The following NLGN4X variants were observed in gnomAD, a reference collection of about 807,000 sequenced individuals.
NLGN4X encodes the protein neuroligin 4 X-linked.
A neutral mutation model predicts 40.3 loss-of-function variants in NLGN4X; 3 were observed. The ratio of observed to expected loss-of-function variants is 0.07; its 90% CI spans 0.03 to 0.19. The LOEUF (loss-of-function observed/expected upper bound fraction) is 0.19, where lower values mean the gene tolerates loss of function less well. Among genes scored for constraint, NLGN4X ranks in the 10% least tolerant of loss-of-function variants. The pLI, the probability that NLGN4X is intolerant of heterozygous loss-of-function variation, is 1.00. For missense variants in NLGN4X, 382 were observed against 708.3 expected (o/e 0.54, Z 5.23); for synonymous variants, 270 against 306.8 (o/e 0.88, Z 1.25).
At chrX:5,906,390 C>A (rs1244303011) in intron 4 of NLGN4X, among the ~76,000 whole-genome samples, 1 of 112,174 alleles carries the variant, frequency 8.9e-6, no homozygotes, top group African/African-American at 3.2e-5. Context: ...TTTCAGGAAA[C>A]CCTCATCTGT....
chrX:6,133,856 T>C (rs746326920), intron 2 of NLGN4X, among the ~76,000 whole-genome samples: 2 of 111,995 alleles, frequency 1.8e-5, no homozygotes, highest in African/African-American at 6.5e-5. Flanking sequence ...GAAAACTTTT[T>C]AAAATAAAGG....
intron 3 of NLGN4X, among the ~76,000 whole-genome samples, chrX:6,014,814 A>G (rs1238602938): frequency 8.9e-6 from 1 of 111,751 alleles, no homozygotes; most frequent in Non-Finnish European, 1.9e-5. Context: ...AGTCCTTTAA[A>G]GGCATATAAA....
At chrX:6,080,867 C>T (rs1047765542) in intron 2 of NLGN4X, among the ~76,000 whole-genome samples, 1 of 111,048 alleles carries the variant, frequency 9.0e-6, no homozygotes, top group African/African-American at 3.3e-5. Context: ...ATAGAGACAG[C>T]GTCTCACTAT....
In NLGN4X at chrX:6,071,120, TA is replaced by T. The variant is rs902414285; in HGVS notation, c.473-41689del. On this transcript the variant is annotated intron_variant, in intron 2 of 5. Transcript: ENST00000381095. ...CTGCAGCCTGGGCAAGACAGTGACT[TA>T]AAAAAAAATGTACTTTTCATAAACT... is the stretch of plus-strand genomic sequence containing the variant. 9.1e-5 allele frequency among the ~76,000 whole-genome samples: 10 copies of T among 110,146 alleles called. No homozygotes were observed. In the South Asian group the frequency reaches 1.2e-3, roughly 13 times the overall value.
intron 2 of NLGN4X, among the ~76,000 whole-genome samples, chrX:6,128,206 G>A (rs909111681): frequency 7.2e-5 from 8 of 111,363 alleles, no homozygotes; most frequent in Admixed American, 2.9e-4. Flanking sequence ...GGGGCCCTAC[G>A]AAGGCTGGGA....
intron 1 of NLGN4X, among the ~76,000 whole-genome samples, chrX:6,200,687 CT>C (rs767226691): frequency 2.4e-3 from 134 of 55,558 alleles, no homozygotes; most frequent in East Asian, 0.016. Context: ...CTTTCCTTTT[CT>C]TTTTTTTTTT....
intron 3 of NLGN4X, among the ~76,000 whole-genome samples, chrX:5,921,148 C>CATATATATATATATAT (rs60922455): frequency 4.4e-5 from 4 of 91,044 alleles, no homozygotes; most frequent in African/African-American, 1.6e-4. Flanking sequence ...TATATATATA[C>CATATATATATATATAT]ATATATATAT....
chrX:5,989,093 TAAAAA>T (rs773830747), intron 3 of NLGN4X, among the ~76,000 whole-genome samples: 2,454 of 76,605 alleles, frequency 0.032, 34 homozygotes, highest in Non-Finnish European at 0.047. Flanking sequence ...ATAAAAAAAA[TAAAAA>T]AAAAAATAAA....
At chrX:6,030,392 A>ATGTGTGTGTGTGTGTG (rs56353701) in intron 2 of NLGN4X, among the ~76,000 whole-genome samples, 3 of 68,290 alleles carry the variant, frequency 4.4e-5, no homozygotes, top group African/African-American at 3.0e-4. Flanking sequence ...CTGGATACAG[A>ATGTGTGTGTGTGTGTG]TATGTGTGTG....
At chrX:6,041,887 C>T (rs1046207680) in intron 2 of NLGN4X, among the ~76,000 whole-genome samples, 5 of 112,422 alleles carry the variant, frequency 4.4e-5, no homozygotes, top group South Asian at 3.7e-4. Flanking sequence ...ACAGCCTTTA[C>T]GTAACAAGTG....
At position 6,032,111 on chromosome X, in the gene NLGN4X, G is replaced by A. The variant is rs563422621; in HGVS notation, c.473-2679C>T. Among the ~76,000 whole-genome samples the A allele has an allele frequency of 1.4e-4, 13 of 94,790 alleles. No individual in the cohort carries two copies. In the South Asian group the frequency reaches 5.6e-3, roughly 41 times the overall value. 82.3% of individuals were successfully genotyped at this position (94,790 alleles called of 115,157 possible). ...GGCAGTCCTGAATGCATCAGGGCTC[G>A]TTAACAACAGCATCTCATTAAAACA... On this transcript the variant is annotated intron_variant, in intron 2 of 5. Transcript: ENST00000381095.
intron 1 of NLGN4X, among the ~76,000 whole-genome samples, chrX:6,224,711 A>G (rs968415408): frequency 4.5e-5 from 5 of 109,936 alleles, no homozygotes; most frequent in Middle Eastern, 4.7e-3. Flanking sequence ...TTGAGGGCCA[A>G]CTGTATACTC....
At chrX:6,061,282 T>C (rs747815903) in intron 2 of NLGN4X, among the ~76,000 whole-genome samples, 1 of 111,206 alleles carries the variant, frequency 9.0e-6, no homozygotes, top group South Asian at 3.9e-4. Context: ...GCTGTGGATG[T>C]CGCTGCCATT....
intron 2 of NLGN4X, among the ~76,000 whole-genome samples, chrX:6,062,181 T>G (rs1181909302): frequency 8.9e-6 from 1 of 111,932 alleles, no homozygotes; most frequent in Non-Finnish European, 1.9e-5. Flanking sequence ...CAATGTCACC[T>G]GTGACCACCT....
At chrX:5,988,631 A>T (rs970828788) in intron 3 of NLGN4X, among the ~76,000 whole-genome samples, 1 of 112,457 alleles carries the variant, frequency 8.9e-6, no homozygotes, top group African/African-American at 3.2e-5. Flanking sequence ...AGGTGAGACT[A>T]TATGATGGGC....
At position 6,151,119 on chromosome X, in the gene NLGN4X, C is replaced by T. The variant is rs753390003; in HGVS notation, c.348G>A (p.Glu116=). 9 of 1,211,641 alleles carry T rather than the reference C, an allele frequency of 7.4e-6. No individual in the cohort carries two copies. The South Asian group carries it at 1.1e-4, about 14-fold the overall frequency. Residue 116 remains glutamate, a synonymous_variant, in exon 2 of 6, where the codon GAG becomes GAA. Coordinates refer to ENST00000381095, the MANE Select transcript of NLGN4X (RefSeq NM_181332.3). ...FAAVCPQHLD[E]RSLLHDMLPI... ...GCAGCATGTCATGCAGTAAGGATCT[C>T]TCATCCAGGTGCTGGGGGCACACAG...
chrX:5,962,928 C>T (rs1225212826), intron 3 of NLGN4X, among the ~76,000 whole-genome samples: 1 of 81,870 alleles, frequency 1.2e-5, no homozygotes, highest in Non-Finnish European at 2.3e-5. Flanking sequence ...TTGTTTATTA[C>T]CCCCCCCCAC....
At chrX:6,016,910 A>C (rs1465225664) in intron 3 of NLGN4X, among the ~76,000 whole-genome samples, 1 of 112,068 alleles carries the variant, frequency 8.9e-6, no homozygotes, top group African/African-American at 3.2e-5. Flanking sequence ...AAATGCCCCC[A>C]AAAGGCAAAT....
At chrX:6,000,761 C>A (rs1602040099) in intron 3 of NLGN4X, among the ~76,000 whole-genome samples, 2 of 111,417 alleles carry the variant, frequency 1.8e-5, no homozygotes, top group East Asian at 5.7e-4. Context: ...CTAGAAAGTT[C>A]CAAACTTTCC....
Sources: allele counts gnomAD v4.1 joint callset (sites outside exome capture counted in the v4.1 genomes callset), GRCh38; gene constraint gnomAD v4.1.1; transcripts MANE v1.5; gene names NCBI Gene and HGNC (gene_info 2026-07-23, HGNC 2026-07-21).